The following RASA3 variants were observed in gnomAD, a reference collection of about 807,000 sequenced individuals.
The protein encoded by RASA3 is RAS p21 protein activator 3, also known as ras GTPase-activating protein 3.
In RASA3, 73 loss-of-function variants were observed where a neutral mutation model predicts 110.0. The ratio of observed to expected loss-of-function variants is 0.66; its 90% CI spans 0.55 to 0.81. The LOEUF (loss-of-function observed/expected upper bound fraction) is 0.81. Ranked by LOEUF, RASA3 falls within the 30% of genes least tolerant of loss-of-function variation. The pLI is 0.00. For missense variants in RASA3, 976 were observed against 1,113.2 expected (o/e 0.88, Z 1.75); for synonymous variants, 500 against 451.4 (o/e 1.11, Z -1.37).
At chr13:114,033,029 G>A (rs1594357648) in intron 4 of RASA3, among the ~76,000 whole-genome samples, 3 of 49,062 alleles carry the variant, frequency 6.1e-5, no homozygotes, top group East Asian at 6.8e-4. Flanking sequence ...TTGATACCAC[G>A]TTCCACGGCA....
chr13:114,070,930 CGGCG>C (rs2079560693), intron 2 of RASA3, among the ~76,000 whole-genome samples: 1 of 121,204 alleles, frequency 8.3e-6, no homozygotes, highest in Admixed American at 8.6e-5. Context: ...GCAGGGCTGC[CGGCG>C]TCCACGCTAA....
chr13:114,007,569 G>C lies in RASA3; in HGVS notation c.1706C>G (p.Pro569Arg). 1 of 1,613,504 alleles carries C rather than the reference G, an allele frequency of 6.2e-7. No individual in the cohort carries two copies. Among genetic ancestry groups the C allele is most frequent in the Non-Finnish European group, 8.5e-7 (1 of 1,179,854 alleles). ...DLISSSGRRD[P>R]KSVEQPIVLK... ...CACGATGGGCTGCTCAACACTCTTG[G>C]GGTCTCTTCTCCCCGAGGACGAAAT... The change falls in exon 18 of 24, where the codon CCC becomes CGC. Residue 569 changes from proline to arginine, a missense_variant. Physicochemically the swap from Pro to Arg is moderately radical, Grantham distance 103. This residue lies in a region of RASA3 where 732 missense variants were observed against 779.7 expected (regional missense o/e 0.94). Transcript: ENST00000334062.
At chr13:113,996,459 T>A in intron 21 of RASA3, 72 bp downstream of exon 21, 2 of 1,437,108 alleles carry the variant, frequency 1.4e-6, no homozygotes, top group Non-Finnish European at 1.9e-6. Flanking sequence ...TGTCTGCTGG[T>A]CCCTCCCTAC....
At chr13:114,054,967 CGT>C (rs751975916) in intron 2 of RASA3, among the ~76,000 whole-genome samples, 2 of 136,442 alleles carry the variant, frequency 1.5e-5, no homozygotes, top group Non-Finnish European at 3.3e-5. Context: ...GGTGTGTGCA[CGT>C]GTGTGCCCAT....
chr13:114,059,400 G>A (rs1207100825), intron 2 of RASA3, among the ~76,000 whole-genome samples: 1 of 152,270 alleles, frequency 6.6e-6, no homozygotes, highest in Non-Finnish European at 1.5e-5. Flanking sequence ...AGACGTCGCT[G>A]AAGCCAATGC....
At chr13:114,012,204 C>T (rs1360238231) in intron 15 of RASA3, among the ~76,000 whole-genome samples, 1 of 152,028 alleles carries the variant, frequency 6.6e-6, no homozygotes, top group East Asian at 1.9e-4. Context: ...GACAAACCGT[C>T]CACTGCTTTT....
rs184316547 is a variant in RASA3 at position 114,032,739 on chromosome 13, A to T, written c.373-2852T>A. The stretch of plus-strand genomic sequence containing the variant: ...ACCCCTACACTTGACACCACGTTCC[A>T]TGGCACCCCCACACTGACACCACGC... On this transcript the variant is annotated intron_variant, in intron 4 of 23. Transcript: ENST00000334062. Among the ~76,000 whole-genome samples, 430 of 100,210 alleles carry T rather than the reference A, an allele frequency of 4.3e-3. 3 individuals carry two copies. The highest frequency in any genetic ancestry group is 5.6e-3 in the Non-Finnish European group (296 of 52,760). 65.7% of individuals were successfully genotyped at this position (100,210 alleles called of 152,430 possible).
At chr13:114,102,331 A>G (rs984017875) in intron 1 of RASA3, among the ~76,000 whole-genome samples, 1 of 152,050 alleles carries the variant, frequency 6.6e-6, no homozygotes, top group Non-Finnish European at 1.5e-5. Context: ...CGGGCACCGA[A>G]CCAGACTGTC....
chr13:114,018,692 G>T, intron 10 of RASA3, 71 bp downstream of exon 10: 2 of 1,564,732 alleles, frequency 1.3e-6, no homozygotes, highest in South Asian at 1.2e-5. Flanking sequence ...GGGTGGGCCC[G>T]GGTGTAGGGT....
rs182855082 is a variant in RASA3 at position 114,049,504 on chromosome 13, T to C, written c.277+2548A>G. On this transcript the variant is annotated intron_variant, in intron 3 of 23. Transcript: ENST00000334062. ...CAGAACTAACTTGATCAGCTTCTCT[T>C]ACTAAAATGTGCAAAAATTTTTTAA... is the stretch of plus-strand genomic sequence containing the variant. Among the ~76,000 whole-genome samples, 488 of 152,382 alleles carry C rather than the reference T, an allele frequency of 3.2e-3. 4 individuals are homozygous for C. The highest frequency in any genetic ancestry group is 0.011 in the African/African-American group (466 of 41,586).
chr13:114,023,929 C>T (rs531666909), intron 8 of RASA3, among the ~76,000 whole-genome samples: 1 of 152,300 alleles, frequency 6.6e-6, no homozygotes, highest in Admixed American at 6.5e-5. Flanking sequence ...CGTGCTGACC[C>T]GCCAGGCCCT....
Position 114,113,425 on chromosome 13 carries a change from C to T in RASA3, c.55+19010G>A, listed in dbSNP as rs2080242436. 2.0e-5 allele frequency among the ~76,000 whole-genome samples: 3 copies of T among 152,224 alleles called. No homozygotes were observed. In the South Asian group the frequency reaches 6.2e-4, roughly 31 times the overall value. On this transcript the variant is annotated intron_variant, in intron 1 of 23. Transcript: ENST00000334062. ...CCTCTGCTACACTCACTGGGAAGAA[C>T]CATGTTGCTTCTGACGAATTTCTTA...
chr13:114,100,829 G>A (rs986428357), intron 1 of RASA3, among the ~76,000 whole-genome samples: 1 of 152,260 alleles, frequency 6.6e-6, no homozygotes, highest in African/African-American at 2.4e-5. Flanking sequence ...CCATGCGTCT[G>A]TGTTCTCGCC....
chr13:114,059,519 C>A (rs1315142250), intron 2 of RASA3, among the ~76,000 whole-genome samples: 1 of 152,258 alleles, frequency 6.6e-6, no homozygotes, highest in African/African-American at 2.4e-5. Context: ...CACGTTTCAA[C>A]GCTGCCTTGC....
rs1411532373 is a variant in RASA3, at chr13:114,066,141, G to A, written c.173+7579C>T. On this transcript the variant is annotated intron_variant, in intron 2 of 23. Coordinates refer to ENST00000334062, the MANE Select transcript of RASA3 (RefSeq NM_007368.4). ...CTCGGCTCCCGCCTCTCCTGCACATGAGGCTCTTTCCTCTCTCCCACCCCA... is the reference window on the plus strand; with the variant it reads ...CTCGGCTCCCGCCTCTCCTGCACATAAGGCTCTTTCCTCTCTCCCACCCCA... 3.3e-5 allele frequency among the ~76,000 whole-genome samples: 5 copies of A among 152,066 alleles called. No homozygotes were observed. In the South Asian group the frequency reaches 6.2e-4, roughly 19 times the overall value.
chr13:114,035,140 G>C (rs796770956), intron 4 of RASA3, among the ~76,000 whole-genome samples: 37 of 152,340 alleles, frequency 2.4e-4, no homozygotes, highest in African/African-American at 8.7e-4. Context: ...CCCAAGAACA[G>C]AAAACAGAAG....
chr13:114,040,114 C>T (rs1039362677), intron 4 of RASA3, among the ~76,000 whole-genome samples: 4 of 152,266 alleles, frequency 2.6e-5, no homozygotes, highest in Non-Finnish European at 5.9e-5. Flanking sequence ...GTTTTCACAG[C>T]TTCCTCAGTT....
chr13:114,062,900 G>A (rs1019999612), intron 2 of RASA3, among the ~76,000 whole-genome samples: 25 of 152,302 alleles, frequency 1.6e-4, no homozygotes, highest in African/African-American at 5.8e-4. Context: ...AACAGGCCAC[G>A]CACACAGAGG....
intron 13 of RASA3, 139 bp downstream of exon 13, chr13:114,016,058 G>T (rs1388020625): frequency 1.5e-6 from 1 of 686,298 alleles, no homozygotes; most frequent in African/African-American, 1.8e-5. Flanking sequence ...ACTGCAGCCG[G>T]GTGAGGCGGG....
Sources: allele counts gnomAD v4.1 joint callset (sites outside exome capture counted in the v4.1 genomes callset), GRCh38; gene constraint gnomAD v4.1.1; regional missense constraint gnomAD v4.1.1; transcripts MANE v1.5; gene names NCBI Gene and HGNC (gene_info 2026-07-23, HGNC 2026-07-21).